RGS8: variants seen among roughly 807,000 people sequenced by gnomAD.
The protein encoded by RGS8 is regulator of G protein signaling 8, also known as regulator of G-protein signaling 8.
In RGS8, 8 loss-of-function variants were observed where a neutral mutation model predicts 21.7. The observed-to-expected ratio is 0.37, with a 90% CI of 0.22 to 0.66. The LOEUF is 0.66. RGS8 is among the 30% of genes least tolerant of loss of function. The pLI, the probability that RGS8 is intolerant of heterozygous loss-of-function variation, is 0.59. For synonymous variants in RGS8, 80 were observed against 83.6 expected (o/e 0.96, Z 0.24); for missense variants, 157 against 217.9 (o/e 0.72, Z 1.76).
the RGS8 span, among the ~76,000 whole-genome samples, chr1:182,712,700 G>C: frequency 6.6e-6 from 1 of 152,114 alleles, no homozygotes; most frequent in Non-Finnish European, 1.5e-5. Flanking sequence ...GAAATAAATA[G>C]ACAAAATTAA....
chr1:182,752,216 G>A, the RGS8 span, among the ~76,000 whole-genome samples: 1 of 152,208 alleles, frequency 6.6e-6, no homozygotes, highest in Admixed American at 6.5e-5. Flanking sequence ...CAGAGGCTGG[G>A]CTGAGCCAGC....
chr1:182,741,547 G>A, the RGS8 span, among the ~76,000 whole-genome samples: 5 of 120,936 alleles, frequency 4.1e-5, no homozygotes, highest in Non-Finnish European at 7.2e-5. Flanking sequence ...CGGGCAGAGG[G>A]GCTCCTCACT....
intron 5 of RGS8, among the ~76,000 whole-genome samples, chr1:182,648,901 G>T (rs1212252628): frequency 6.6e-6 from 1 of 152,130 alleles, no homozygotes; most frequent in South Asian, 2.1e-4. Flanking sequence ...AGGAGTTCGA[G>T]ACCAGCCTGG....
chr1:182,710,831 T>A, the RGS8 span, among the ~76,000 whole-genome samples: 1 of 152,208 alleles, frequency 6.6e-6, no homozygotes, highest in Non-Finnish European at 1.5e-5. Flanking sequence ...TATTATTATG[T>A]AATTCAACAA....
chr1:182,699,021 T>C, the RGS8 span, among the ~76,000 whole-genome samples: 1 of 152,180 alleles, frequency 6.6e-6, no homozygotes, highest in Non-Finnish European at 1.5e-5. Context: ...AGCTATTTAT[T>C]TGGAAGAAAT....
chr1:182,735,703 T>C, the RGS8 span, among the ~76,000 whole-genome samples: 1 of 152,344 alleles, frequency 6.6e-6, no homozygotes, highest in South Asian at 2.1e-4. Flanking sequence ...ACAGCCTGAT[T>C]GCACCAGTTT....
chr1:182,748,277 A>C, the RGS8 span, among the ~76,000 whole-genome samples: 1 of 152,066 alleles, frequency 6.6e-6, no homozygotes, highest in Admixed American at 6.6e-5. Flanking sequence ...TCTCCTAACC[A>C]TCTCTGCCTA....
At chr1:182,695,325 A>T in the RGS8 span, among the ~76,000 whole-genome samples, 1 of 152,218 alleles carries the variant, frequency 6.6e-6, no homozygotes, top group Non-Finnish European at 1.5e-5. Context: ...CAAAAAATGG[A>T]CACGTAATAA....
At chr1:182,655,783 C>T (rs1663245406) in intron 5 of RGS8, among the ~76,000 whole-genome samples, 1 of 149,038 alleles carries the variant, frequency 6.7e-6, no homozygotes, top group African/African-American at 2.5e-5. Flanking sequence ...CAGCTCTTAG[C>T]TGATTGATTT....
At chr1:182,744,856 A>C in the RGS8 span, among the ~76,000 whole-genome samples, 2 of 152,198 alleles carry the variant, frequency 1.3e-5, no homozygotes, top group Non-Finnish European at 2.9e-5. Context: ...GAACACTTTC[A>C]TCACCCCAGA....
At chr1:182,675,835 TTTTC>T (rs1664338720), upstream of RGS8, among the ~76,000 whole-genome samples, 1 of 152,222 alleles carries the variant, frequency 6.6e-6, no homozygotes, top group Admixed American at 6.5e-5. Flanking sequence ...AAGATTTATA[TTTTC>T]TGAGCCTCTC....
chr1:182,732,007 G>A, the RGS8 span, among the ~76,000 whole-genome samples: 1 of 152,186 alleles, frequency 6.6e-6, no homozygotes, highest in Admixed American at 6.5e-5. Context: ...ACCTGGGTAT[G>A]AGCCAGGAAG....
chr1:182,720,936 C>A, the RGS8 span, among the ~76,000 whole-genome samples: 2 of 110,146 alleles, frequency 1.8e-5, no homozygotes, highest in Non-Finnish European at 3.6e-5. Flanking sequence ...TACATATATA[C>A]ATATATATAC....
the RGS8 span, among the ~76,000 whole-genome samples, chr1:182,707,216 C>A: frequency 6.6e-6 from 1 of 152,026 alleles, no homozygotes. Flanking sequence ...CAAGATTGTG[C>A]CTGAGAGGAC....
the RGS8 span, among the ~76,000 whole-genome samples, chr1:182,720,703 C>A: frequency 6.6e-6 from 1 of 151,904 alleles, no homozygotes; most frequent in Non-Finnish European, 1.5e-5. Context: ...GCTCAGCATG[C>A]CTGCCCTCTC....
chr1:182,653,000 C>A (rs1663094241), intron 5 of RGS8, among the ~76,000 whole-genome samples: 1 of 152,180 alleles, frequency 6.6e-6, no homozygotes, highest in Non-Finnish European at 1.5e-5. Flanking sequence ...AATAGTAATA[C>A]AGCTGAAAAT....
At chr1:182,716,872 G>A in the RGS8 span, among the ~76,000 whole-genome samples, 2 of 152,292 alleles carry the variant, frequency 1.3e-5, no homozygotes, top group Admixed American at 1.3e-4. Context: ...AAAAGTGAGT[G>A]CACTTTGGGA....
intron 5 of RGS8, 142 bp downstream of exon 6, chr1:182,665,827 A>G (rs567545903): frequency 4.8e-6 from 3 of 622,588 alleles, no homozygotes; most frequent in African/African-American, 3.6e-5. Flanking sequence ...ATGCTCCTCT[A>G]GGCAGGAGGC....
the RGS8 span, among the ~76,000 whole-genome samples, chr1:182,720,481 C>T: frequency 2.0e-5 from 3 of 152,118 alleles, no homozygotes; most frequent in African/African-American, 7.2e-5. Flanking sequence ...TCTCATTTCT[C>T]TGCTCAAAAT....
Sources: allele counts gnomAD v4.1 joint callset (sites outside exome capture counted in the v4.1 genomes callset), GRCh38; gene constraint gnomAD v4.1.1; transcripts MANE v1.5; gene names NCBI Gene and HGNC (gene_info 2026-07-23, HGNC 2026-07-21).